Variants in GNA15 observed in about 807,000 individuals in gnomAD.
GNA15 encodes guanine nucleotide-binding protein subunit alpha-15.
GNA15 carries 23 observed loss-of-function variants against 40.1 expected under a neutral mutation model. The observed-to-expected ratio is 0.57, with a 90% CI of 0.41 to 0.81. The LOEUF (loss-of-function observed/expected upper bound fraction) is 0.81, where lower values mean the gene tolerates loss of function less well. GNA15 is among the 40% of genes least tolerant of loss of function. GNA15 has a pLI of 0.00. For synonymous variants in GNA15, 226 were observed against 210.4 expected (o/e 1.07, Z -0.64); for missense variants, 522 against 515.8 (o/e 1.01, Z -0.12).
chr19:3,153,657 T>C (rs1275453308), intron 4 of GNA15, among the ~76,000 whole-genome samples: 3 of 139,812 alleles, frequency 2.1e-5, no homozygotes, highest in African/African-American at 8.2e-5. Flanking sequence ...GGTGGATTGG[T>C]GAGTGAAGGA....
intron 1 of GNA15, among the ~76,000 whole-genome samples, chr19:3,140,044 A>AAAAATCTATCTATCTATCTATCTATGT (rs71307196): frequency 2.4e-5 from 3 of 124,104 alleles, no homozygotes; most frequent in South Asian, 5.0e-4. Context: ...AAAAAAAAAA[A>AAAAATCTATCTATCTATCTATCTATGT]ATCTATCTAT....
At position 3,150,225 on chromosome 19, in the gene GNA15, C is replaced by G. The variant is rs772239006; in HGVS notation, c.425C>G (p.Ala142Gly). The G allele has an allele frequency of 5.0e-6, 8 of 1,610,738 alleles. No homozygotes were observed. The highest frequency in any genetic ancestry group is 2.2e-5 in the East Asian group (1 of 44,718). Reference sequence around the variant, plus strand: ...GCCATGCAGTGGCTGTGGAGGGATGCCGGCATCCGGGCCTGCTATGAGCGT... The same window carrying G: ...GCCATGCAGTGGCTGTGGAGGGATGGCGGCATCCGGGCCTGCTATGAGCGT... ...AAAMQWLWRD[A>G]GIRACYERRR... The change falls in exon 3 of 7, where the codon GCC becomes GGC. Residue 142 changes from alanine to glycine, a missense_variant. By Grantham distance (60) the Ala-to-Gly change is moderately conservative. Coordinates refer to ENST00000262958, the MANE Select transcript of GNA15 (RefSeq NM_002068.4).
At chr19:3,140,138 A>G (rs1914549144) in intron 1 of GNA15, among the ~76,000 whole-genome samples, 1 of 151,072 alleles carries the variant, frequency 6.6e-6, no homozygotes, top group African/African-American at 2.4e-5. Flanking sequence ...TATCATATCG[A>G]TATGTCTTAT....
chr19:3,136,636 G>T lies in GNA15; in HGVS notation c.145+41G>T. The stretch of plus-strand genomic sequence containing the variant: ...GTGGGCGGTGGGTGGTGGGCAGTGG[G>T]CGGTGGCCAGCCGGCAGGGGTGTCG... On this transcript the variant is annotated intron_variant, in intron 1 of 6. Transcript: ENST00000262958. The surrounding 1 kb of genome is among the most constrained non-coding windows in gnomAD (Gnocchi z 4.9). The T allele has an allele frequency of 6.5e-7, 1 of 1,527,492 alleles. No individual in the cohort carries two copies. The highest frequency in any genetic ancestry group is 8.9e-7 in the Non-Finnish European group (1 of 1,129,816). The allele number at this position is 1,527,492 out of a possible 1,614,324, so 94.6% of individuals were successfully genotyped here. A position where few individuals can be genotyped will look rare whatever the true frequency, so the allele number is the denominator to read the frequency against.
At chr19:3,139,838 A>G (rs895887851) in intron 1 of GNA15, among the ~76,000 whole-genome samples, 2 of 151,688 alleles carry the variant, frequency 1.3e-5, no homozygotes, top group Non-Finnish European at 2.9e-5. Context: ...GATGGAGACC[A>G]TCCTGGCTAA....
intron 6 of GNA15, among the ~76,000 whole-genome samples, 195 bp from the exon 7 acceptor site, chr19:3,162,598 A>G (rs1439724977): frequency 6.6e-6 from 1 of 152,176 alleles, no homozygotes; most frequent in Non-Finnish European, 1.5e-5. Context: ...GTGTGAGACA[A>G]TCTCCTGTGT....
At chr19:3,150,316 G>C (rs759534594) in intron 3 of GNA15, 31 bp downstream of exon 3, 38 of 1,513,286 alleles carry the variant, frequency 2.5e-5, no homozygotes, top group East Asian at 7.3e-5. Flanking sequence ...GGATGGGCGC[G>C]TGGGGAGGGG....
intron 3 of GNA15, 147 bp downstream of exon 3, chr19:3,150,432 C>A (rs1411269968): frequency 1.5e-6 from 1 of 678,158 alleles, no homozygotes; most frequent in Non-Finnish European, 2.4e-6. Context: ...TCCAGGGGGA[C>A]CCTAATTCCC....
chr19:3,157,198 C>A (rs1230093538), intron 5 of GNA15, among the ~76,000 whole-genome samples: 1 of 152,022 alleles, frequency 6.6e-6, no homozygotes, highest in African/African-American at 2.4e-5. Flanking sequence ...GGGGTTTCAC[C>A]ATGTTAGCCA....
rs1263645841 is a variant in GNA15, at chr19:3,150,254, C to T, written c.454C>T (p.Arg152Trp). 8.1e-6 allele frequency: 13 copies of T among 1,604,296 alleles called. No individual in the cohort carries two copies. Among genetic ancestry groups the T allele is most frequent in the South Asian group, 1.1e-5 (1 of 89,914 alleles). The change falls in exon 3 of 7, where the codon CGG (arginine) becomes TGG (tryptophan). Residue 152 changes from arginine (R) to tryptophan (W), a missense_variant. Arg to Trp is a moderately radical substitution (Grantham distance 101). Transcript: ENST00000262958. ...CATCCGGGCCTGCTATGAGCGTCGG[C>T]GGGAATTCCACCTGCTCGATTCAGC... ...AGIRACYERR[R>W]EFHLLDSAVY...
chr19:3,146,516 G>A (rs550541278), intron 1 of GNA15: 1 of 152,040 alleles, frequency 6.6e-6, no homozygotes, highest in African/African-American at 2.4e-5. Context: ...TGAAGTTTCA[G>A]CTTGCACCCA....
chr19:3,150,763 G>A (rs964037974), intron 3 of GNA15, among the ~76,000 whole-genome samples: 1 of 151,734 alleles, frequency 6.6e-6, no homozygotes, highest in African/African-American at 2.4e-5. Flanking sequence ...CCCTGTTCTT[G>A]GGGGGAACCC....
chr19:3,146,142 G>A (rs370682164), intron 1 of GNA15, among the ~76,000 whole-genome samples: 24 of 152,082 alleles, frequency 1.6e-4, no homozygotes, highest in African/African-American at 5.3e-4. Flanking sequence ...AGTCCTGCCT[G>A]CACCGACCCC....
intron 1 of GNA15, among the ~76,000 whole-genome samples, chr19:3,144,973 T>C (rs1368846000): frequency 6.6e-6 from 1 of 150,698 alleles, no homozygotes; most frequent in Non-Finnish European, 1.5e-5. Context: ...GGATTACAGG[T>C]GCGCGCCACC....
chr19:3,143,071 G>A (rs1688124), intron 1 of GNA15: 1 of 151,640 alleles, frequency 6.6e-6, no homozygotes, highest in African/African-American at 2.4e-5. Flanking sequence ...ACCCCAGCTC[G>A]ACTGGCCGTG....
At position 3,155,763 on chromosome 19, in the gene GNA15, T is replaced by C. The variant is rs1914997368; in HGVS notation, c.615-60T>C. ...TGGCATATCCCAGACGTGATGGGGG[T>C]TGGGGGTGTCACGGAGCAGGCTCCT... On this transcript the variant is annotated intron_variant, in intron 4 of 6. Coordinates refer to ENST00000262958, the MANE Select transcript of GNA15 (RefSeq NM_002068.4). The surrounding 1 kb of genome is among the most constrained non-coding windows in gnomAD (Gnocchi z 5.6). The C allele has an allele frequency of 4.4e-6, 7 of 1,574,240 alleles. No homozygotes were observed. In the Admixed American group the frequency reaches 6.9e-5, roughly 16 times the overall value.
At chr19:3,146,304 A>G (rs1914720642) in intron 1 of GNA15, 1 of 152,092 alleles carries the variant, frequency 6.6e-6, no homozygotes, top group Admixed American at 6.6e-5. Context: ...GATCATACCC[A>G]TTTTACAGAT....
Position 3,163,103 on chromosome 19 carries a change from A to C in GNA15, c.*84A>C, listed in dbSNP as rs1440575204. On this transcript the variant is annotated 3_prime_UTR_variant, in exon 7 of 7. Coordinates refer to ENST00000262958, the MANE Select transcript of GNA15 (RefSeq NM_002068.4). ...CAGGGACCCCTAGTGTCCCTGGTCT[A>C]TCTCTCCAGCCTCGGCCCACACGCA... The C allele has an allele frequency of 1.2e-6, 1 of 859,504 alleles. No individual in the cohort carries two copies. The highest frequency in any genetic ancestry group is 2.5e-5 in the East Asian group (1 of 39,562). The allele number at this position is 859,504 out of a possible 1,614,324, so 53.2% of individuals were successfully genotyped here. A position where few individuals can be genotyped will look rare whatever the true frequency, so the allele number is the denominator to read the frequency against.
At chr19:3,140,495 G>A (rs1028102259) in intron 1 of GNA15, among the ~76,000 whole-genome samples, 8 of 151,976 alleles carry the variant, frequency 5.3e-5, no homozygotes, top group South Asian at 2.1e-4. Context: ...CCCAAGTGTC[G>A]CCTCCTCAGA....
Sources: allele counts gnomAD v4.1 joint callset (sites outside exome capture counted in the v4.1 genomes callset), GRCh38; gene constraint gnomAD v4.1.1; non-coding constraint Gnocchi (gnomAD v3.1); transcripts MANE v1.5; gene names NCBI Gene and HGNC (gene_info 2026-07-23, HGNC 2026-07-21).